Variants in PCDH11X observed in about 807,000 individuals in gnomAD.
PCDH11X encodes protocadherin-11 X-linked.
A neutral mutation model predicts 53.3 loss-of-function variants in PCDH11X; 18 were observed. The observed-to-expected ratio is 0.34, with a 90% CI of 0.23 to 0.50. PCDH11X has a LOEUF of 0.50. Among genes scored for constraint, PCDH11X ranks in the 20% least tolerant of loss-of-function variants. The pLI, the probability that PCDH11X is intolerant of heterozygous loss-of-function variation, is 0.98. For synonymous variants in PCDH11X, 279 were observed against 393.3 expected (o/e 0.71, Z 3.44); for missense variants, 570 against 1,032.4 (o/e 0.55, Z 6.14).
intron 9 of PCDH11X, among the ~76,000 whole-genome samples, chrX:92,396,326 A>G (rs780233962): frequency 6.1e-5 from 6 of 98,932 alleles, no homozygotes; most frequent in Admixed American, 2.3e-4. Context: ...CTTCCTCTAT[A>G]TGAAATTCCT....
chrX:92,544,863 A>G (rs2074819347), intron 10 of PCDH11X, among the ~76,000 whole-genome samples: 1 of 111,229 alleles, frequency 9.0e-6, no homozygotes, highest in Middle Eastern at 4.6e-3. Context: ...CAATTTTTAT[A>G]TTAAATTTAG....
chrX:92,090,563 A>G (rs1285718867), intron 6 of PCDH11X, among the ~76,000 whole-genome samples: 1 of 111,712 alleles, frequency 9.0e-6, no homozygotes, highest in Non-Finnish European at 1.9e-5. Flanking sequence ...AATGAAAACT[A>G]GAGAAATAGT....
intron 6 of PCDH11X, among the ~76,000 whole-genome samples, chrX:91,987,743 A>C (rs2062249398): frequency 9.0e-6 from 1 of 111,022 alleles, no homozygotes; most frequent in Non-Finnish European, 1.9e-5. Context: ...GTTTGAAACA[A>C]GTATTACCAT....
chrX:92,603,194 G>A (rs559142542), intron 10 of PCDH11X, among the ~76,000 whole-genome samples: 1 of 102,316 alleles, frequency 9.8e-6, no homozygotes, highest in African/African-American at 3.6e-5. Context: ...CAGAACACTC[G>A]AATTTAGGTT....
chrX:92,559,245 A>T (rs2075094730), intron 10 of PCDH11X, among the ~76,000 whole-genome samples: 1 of 110,890 alleles, frequency 9.0e-6, no homozygotes, highest in Non-Finnish European at 1.9e-5. Context: ...CATTTGCAGG[A>T]TTAAGAAAAA....
At chrX:92,291,005 G>A (rs1390761622) in intron 8 of PCDH11X, among the ~76,000 whole-genome samples, 1 of 88,643 alleles carries the variant, frequency 1.1e-5, no homozygotes, top group African/African-American at 4.1e-5. Flanking sequence ...GGGCTCAAGG[G>A]ATTCTCCTGC....
chrX:91,972,400 C>T (rs1453552017), intron 6 of PCDH11X, among the ~76,000 whole-genome samples: 5 of 91,047 alleles, frequency 5.5e-5, no homozygotes, highest in Non-Finnish European at 8.6e-5. Flanking sequence ...TTGTAGGTTG[C>T]CTGTTCACTC....
At chrX:92,157,835 A>G (rs2065566212) in intron 6 of PCDH11X, among the ~76,000 whole-genome samples, 1 of 112,260 alleles carries the variant, frequency 8.9e-6, no homozygotes, top group Admixed American at 9.5e-5. Context: ...TATCAATTAT[A>G]GTATTTAATC....
At chrX:91,849,059 A>C (rs2147654218) in intron 5 of PCDH11X, among the ~76,000 whole-genome samples, 1 of 110,238 alleles carries the variant, frequency 9.1e-6, no homozygotes, top group South Asian at 3.9e-4. Flanking sequence ...TAATTGAATT[A>C]AATTTAAGTA....
intron 9 of PCDH11X, among the ~76,000 whole-genome samples, chrX:92,427,616 T>C (rs2755000): frequency 0.025 from 623 of 24,493 alleles, 60 homozygotes; most frequent in Middle Eastern, 0.12. Context: ...CATGGTACAC[T>C]TGGTATAGTA....
chrX:92,389,788 G>A (rs1307241900), intron 9 of PCDH11X, among the ~76,000 whole-genome samples: 1 of 110,102 alleles, frequency 9.1e-6, no homozygotes, highest in Admixed American at 9.7e-5. Flanking sequence ...TTATAGTTAA[G>A]GATATAAGTG....
At chrX:92,532,658 TAAA>T (rs56364638) in intron 10 of PCDH11X, among the ~76,000 whole-genome samples, 1 of 100,173 alleles carries the variant, frequency 1.0e-5, no homozygotes, top group African/African-American at 3.7e-5. Context: ...CTCCTTCATT[TAAA>T]AAAAAAAAAG....
At chrX:92,018,263 G>A (rs752041271) in intron 6 of PCDH11X, among the ~76,000 whole-genome samples, 1 of 111,928 alleles carries the variant, frequency 8.9e-6, no homozygotes, top group South Asian at 3.7e-4. Context: ...ATAAAATTGT[G>A]TAGATATATT....
At chrX:92,042,400 C>T (rs1327240999) in intron 6 of PCDH11X, among the ~76,000 whole-genome samples, 1 of 100,079 alleles carries the variant, frequency 1.0e-5, no homozygotes, top group African/African-American at 3.8e-5. Flanking sequence ...TTCTGTACAT[C>T]ATATTATATG....
chrX:92,391,910 T>G (rs1459778125), intron 9 of PCDH11X, among the ~76,000 whole-genome samples: 2 of 111,486 alleles, frequency 1.8e-5, no homozygotes, highest in Non-Finnish European at 3.8e-5. Flanking sequence ...AAATCAGTCT[T>G]CAGCTTTCTA....
chrX:92,412,166 G>GGAA (rs200022730), intron 9 of PCDH11X, among the ~76,000 whole-genome samples: 26,125 of 103,963 alleles, frequency 0.25, 3,795 homozygotes, highest in African/African-American at 0.53. Flanking sequence ...AGGAGGAGGA[G>GGAA]GAAAAGGGAG....
chrX:92,123,288 C>G lies in PCDH11X; in HGVS notation c.3034-78087C>G, dbSNP rs1278725921. Among the ~76,000 whole-genome samples the G allele has an allele frequency of 2.7e-5, 3 of 111,571 alleles. No individual in the cohort carries two copies. In the East Asian group the frequency reaches 8.5e-4, roughly 32 times the overall value. On this transcript the variant is annotated intron_variant, in intron 6 of 10. Coordinates refer to ENST00000682573, the MANE Select transcript of PCDH11X (RefSeq NM_032968.5). ...TTATTACTACTTGGTTCATCACAAT[C>G]TAGTGATTTTTGTATATATTAGAAG...
chrX:92,528,353 C>A (rs911665684), intron 10 of PCDH11X, among the ~76,000 whole-genome samples: 3 of 111,791 alleles, frequency 2.7e-5, no homozygotes, highest in African/African-American at 9.7e-5. Context: ...AGTGCAATGG[C>A]GCAATTTTGG....
intron 6 of PCDH11X, among the ~76,000 whole-genome samples, chrX:92,186,491 G>C (rs1454815525): frequency 9.0e-6 from 1 of 110,855 alleles, no homozygotes; most frequent in Non-Finnish European, 1.9e-5. Context: ...AGCCAGGCGT[G>C]GTGGCATGCA....
Sources: allele counts gnomAD v4.1 joint callset (sites outside exome capture counted in the v4.1 genomes callset), GRCh38; gene constraint gnomAD v4.1.1; transcripts MANE v1.5; gene names NCBI Gene and HGNC (gene_info 2026-07-23, HGNC 2026-07-21).